BUB1: variants seen among roughly 807,000 people sequenced by gnomAD.
BUB1 encodes the protein mitotic checkpoint serine/threonine-protein kinase BUB1.
In BUB1, 84 loss-of-function variants were observed where a neutral mutation model predicts 135.2. The observed-to-expected ratio is 0.62, with a 90% CI of 0.52 to 0.74. BUB1 has a LOEUF of 0.74. BUB1 is among the 30% of genes least tolerant of loss of function. The pLI is 0.00. For synonymous variants in BUB1, 403 were observed against 434.4 expected, an observed-to-expected ratio of 0.93 and a Z score of 0.90; for missense variants, 1,162 against 1,288.3, an observed-to-expected ratio of 0.90 and a Z score of 1.50.
At chr2:110,675,629 C>T (rs1393912699) in intron 1 of BUB1, among the ~76,000 whole-genome samples, 4 of 149,864 alleles carry the variant, frequency 2.7e-5, no homozygotes, top group East Asian at 1.9e-4. Context: ...TTTGAAAAAA[C>T]GATGTAAAAA....
In BUB1 at chr2:110,670,528, G is replaced by C. The variant is rs780438611; in HGVS notation, c.463C>G (p.Gln155Glu). The C allele has an allele frequency of 1.2e-5, 19 of 1,613,948 alleles. No homozygotes were observed. The highest frequency in any genetic ancestry group is 1.4e-5 in the Non-Finnish European group (17 of 1,179,890). Residue 155 changes from glutamine (Q) to glutamate (E), a missense_variant, in exon 5 of 25, where the codon CAA becomes GAA. Coordinates refer to ENST00000302759, the MANE Select transcript of BUB1 (RefSeq NM_004336.5). ...ATTTTAGAAAGCCTGATTTTACCTTGAGCTGGCAAATGGGTTTCAGTGAGG... is the reference window on the plus strand; with the variant it reads ...ATTTTAGAAAGCCTGATTTTACCTTCAGCTGGCAAATGGGTTTCAGTGAGG... ...TRLTETHLPAQARTSEPLHNV... is the reference protein window; with the variant it reads ...TRLTETHLPAEARTSEPLHNV...
intron 9 of BUB1, among the ~76,000 whole-genome samples, chr2:110,662,718 C>T (rs1381665708): frequency 6.6e-6 from 1 of 152,176 alleles, no homozygotes; most frequent in Admixed American, 6.5e-5. Context: ...GGGAGGATCA[C>T]TTGAGCCTGG....
rs769294354 is a variant in BUB1, at chr2:110,649,237, A to G, written c.2344T>C (p.Leu782=). Residue 782 remains leucine, a synonymous_variant, in exon 19 of 25, where the codon TTG becomes CTG. Transcript: ENST00000302759. ...ATATTATCCAAATAATTCTTACCCA[A>G]TTGAAATTCAGTCTTGGGCTTGATG... is the stretch of plus-strand genomic sequence containing the variant. ...PAIKPKTEFQ[L]GSKLVYVHHL... The G allele has an allele frequency of 2.4e-5, 39 of 1,604,688 alleles. No homozygotes were observed. The highest frequency in any genetic ancestry group is 4.4e-5 in the South Asian group (4 of 90,128).
chr2:110,677,481 A>G (rs1457227914), intron 1 of BUB1, among the ~76,000 whole-genome samples: 3 of 151,866 alleles, frequency 2.0e-5, no homozygotes, highest in Admixed American at 1.3e-4. Flanking sequence ...GAGCAAAGCT[A>G]TTTTTTTTCA....
intron 9 of BUB1, chr2:110,662,067 A>G: frequency 4.0e-6 from 2 of 505,366 alleles, no homozygotes; most frequent in Non-Finnish European, 6.9e-6. Context: ...AGACACCATC[A>G]GCAGCTTATA....
chr2:110,670,693 G>T, intron 4 of BUB1, 125 bp from the exon 5 acceptor site: 1 of 875,670 alleles, frequency 1.1e-6, no homozygotes, highest in African/African-American at 1.7e-5. Flanking sequence ...AAGAGAGAAT[G>T]TACAGTTGCA....
intron 21 of BUB1, 41 bp from the exon 22 acceptor site, chr2:110,641,505 A>C: frequency 1.3e-6 from 2 of 1,573,352 alleles, no homozygotes; most frequent in Non-Finnish European, 1.7e-6. Context: ...TAGTTGCACA[A>C]GATTAATAAA....
intron 23 of BUB1, 25 bp from the exon 24 acceptor site, chr2:110,639,873 T>A (rs191275100): frequency 1.3e-6 from 2 of 1,560,402 alleles, no homozygotes; most frequent in Admixed American, 1.7e-5. Flanking sequence ...GAGGTATATA[T>A]GACTTAAATA....
intron 17 of BUB1, among the ~76,000 whole-genome samples, chr2:110,652,799 G>A (rs193176259): frequency 1.8e-4 from 28 of 152,188 alleles, no homozygotes; most frequent in African/African-American, 5.8e-4. Flanking sequence ...ACATTTTTCC[G>A]TTGTAAACTT....
Position 110,677,972 on chromosome 2 carries a change from A to T in BUB1, c.24T>A (p.Leu8=). The change falls in exon 1 of 25, where the codon CTT becomes CTA. Residue 8 remains leucine (L), a splice_region_variant and synonymous_variant. Transcript: ENST00000302759. MDTPENV[L]QMLEAHMQSY... ...CACCCCACCAGACGGACACTTACTG[A>T]AGGACATTTTCCGGGGTGTCCATGG... 6.2e-7 allele frequency: 1 copy of T among 1,609,460 alleles called. No individual in the cohort carries two copies. Among genetic ancestry groups the T allele is most frequent in the Non-Finnish European group, 8.5e-7 (1 of 1,178,126 alleles).
rs142192868 is a variant in BUB1 at position 110,641,762 on chromosome 2, G to C, written c.2505C>G (p.Thr835=). 2.5e-6 allele frequency: 4 copies of C among 1,609,328 alleles called. No individual in the cohort carries two copies. Among genetic ancestry groups the C allele is most frequent in the Non-Finnish European group, 3.4e-6 (4 of 1,179,938 alleles). The change falls in exon 21 of 25, where the codon ACC becomes ACG. Residue 835 remains threonine, a synonymous_variant. Coordinates refer to ENST00000302759, the MANE Select transcript of BUB1 (RefSeq NM_004336.5). ...ATGGCTTTAGTCTTTCCATCAACTG[G>C]GTCCCAATGTAGAATTCCCAGGGGT... is the stretch of plus-strand genomic sequence containing the variant. ...PANPWEFYIG[T]QLMERLKPSM... is the part of the protein sequence containing the mutation.
chr2:110,663,820 A>C (rs1200813213), intron 9 of BUB1, among the ~76,000 whole-genome samples: 1 of 152,202 alleles, frequency 6.6e-6, no homozygotes, highest in Admixed American at 6.5e-5. Context: ...CGAGGTCAGG[A>C]GATCAAGACC....
At chr2:110,667,927 T>G in intron 6 of BUB1, 78 bp from the exon 7 acceptor site, 1 of 1,393,012 alleles carries the variant, frequency 7.2e-7, no homozygotes, top group Non-Finnish European at 9.9e-7. Flanking sequence ...CAAAACAATA[T>G]GAAAATGCTT....
Position 110,657,597 on chromosome 2 carries a change from G to T in BUB1, c.1565C>A (p.Ser522Tyr). 2 of 1,607,488 alleles carry T rather than the reference G, an allele frequency of 1.2e-6. No homozygotes were observed. Among genetic ancestry groups the T allele is most frequent in the Non-Finnish European group, 1.7e-6 (2 of 1,176,738 alleles). ...GAWGVNKIIS[S>Y]LSSAFHVFED... is the part of the protein sequence containing the mutation. ...AAACACATGAAAAGCAGATGACAAA[G>T]AAGAGATGATCTTATTGACTCCCCA... is the stretch of plus-strand genomic sequence containing the variant. The change falls in exon 14 of 25, where the codon TCT (serine) becomes TAT (tyrosine). Residue 522 changes from serine to tyrosine, a missense_variant. Coordinates refer to ENST00000302759, the MANE Select transcript of BUB1 (RefSeq NM_004336.5).
Position 110,669,448 on chromosome 2 carries a change from A to G in BUB1, c.567+5T>C. 2 of 1,571,152 alleles carry G rather than the reference A, an allele frequency of 1.3e-6. No homozygotes were observed. Among genetic ancestry groups the G allele is most frequent in the South Asian group, 2.2e-5 (2 of 90,166 alleles). ...TTCCACACAAGCTACAAATGTCATT[A>G]TTACCTGATTCTTAGAAATGCAGGC... On this transcript the variant is annotated splice_donor_5th_base_variant and intron_variant, in intron 6 of 24. Transcript: ENST00000302759.
Position 110,672,677 on chromosome 2 carries a change from G to A in BUB1, c.406C>T (p.Leu136=). ...IQNQAEPREF[L]QQQYRLFQTR... is the part of the protein sequence containing the mutation. ...TGTAACTACCTGTATTGTTGTTGCAGGAACTCTCTGGGTTCAGCCTGGTTT... is the reference window on the plus strand; with the variant it reads ...TGTAACTACCTGTATTGTTGTTGCAAGAACTCTCTGGGTTCAGCCTGGTTT... Residue 136 remains leucine, a synonymous_variant, in exon 4 of 25, where the codon CTG becomes TTG. Transcript: ENST00000302759. 1 of 1,593,416 alleles carries A rather than the reference G, an allele frequency of 6.3e-7. No individual in the cohort carries two copies. Among genetic ancestry groups the A allele is most frequent in the South Asian group, 1.1e-5 (1 of 87,886 alleles).
intron 3 of BUB1, among the ~76,000 whole-genome samples, chr2:110,673,238 T>C (rs1690471131): frequency 6.6e-6 from 1 of 152,234 alleles, no homozygotes; most frequent in Non-Finnish European, 1.5e-5. Context: ...TACCTTGCCC[T>C]AAACATCTCT....
chr2:110,643,952 A>G (rs1426753100), intron 19 of BUB1, among the ~76,000 whole-genome samples: 1 of 151,942 alleles, frequency 6.6e-6, no homozygotes, highest in Non-Finnish European at 1.5e-5. Flanking sequence ...CCACTGTAAC[A>G]GAAATAAAGA....
intron 14 of BUB1, 26 bp from the exon 15 acceptor site, chr2:110,657,143 A>C: frequency 6.4e-7 from 1 of 1,568,808 alleles, no homozygotes; most frequent in Non-Finnish European, 8.7e-7. Context: ...CTAAATTATA[A>C]ATAGTAAAAT....
Sources: allele counts gnomAD v4.1 joint callset (sites outside exome capture counted in the v4.1 genomes callset), GRCh38; gene constraint gnomAD v4.1.1; transcripts MANE v1.5; gene names NCBI Gene and HGNC (gene_info 2026-07-23, HGNC 2026-07-21).